The following LRMDA variants were observed in gnomAD, a reference collection of about 807,000 sequenced individuals.
The protein encoded by LRMDA is leucine-rich melanocyte differentiation-associated protein.
In LRMDA, 18 loss-of-function variants were observed where a neutral mutation model predicts 29.8. That is an observed-to-expected ratio of 0.60 (90% CI 0.42 to 0.90). LRMDA has a LOEUF of 0.90. Ranked by LOEUF, LRMDA falls within the 40% of genes least tolerant of loss-of-function variation. The pLI, the probability that LRMDA is intolerant of heterozygous loss-of-function variation, is 0.00. For synonymous variants in LRMDA, 125 were observed against 109.4 expected (o/e 1.14, Z -0.89); for missense variants, 273 against 273.9 (o/e 1.00, Z 0.02).
chr10:75,796,273 A>G (rs1050227360), intron 2 of LRMDA, among the ~76,000 whole-genome samples: 10 of 152,150 alleles, frequency 6.6e-5, no homozygotes, highest in Admixed American at 5.2e-4. Context: ...TTAGTATTAG[A>G]AGGAAAGTTT....
intron 5 of LRMDA, among the ~76,000 whole-genome samples, chr10:76,289,253 T>G (rs1416504883): frequency 2.0e-5 from 3 of 152,192 alleles, no homozygotes; most frequent in Non-Finnish European, 4.4e-5. Flanking sequence ...GACTTGGACT[T>G]TACTGAATTG....
At chr10:75,822,831 C>T (rs1909698) in intron 2 of LRMDA, among the ~76,000 whole-genome samples, 8 of 152,084 alleles carry the variant, frequency 5.3e-5, no homozygotes, top group Non-Finnish European at 1.0e-4. Flanking sequence ...AAACAGTTCT[C>T]CAGCCTCAGA....
At chr10:75,656,387 T>C (rs973184297) in intron 2 of LRMDA, among the ~76,000 whole-genome samples, 1 of 152,242 alleles carries the variant, frequency 6.6e-6, no homozygotes, top group African/African-American at 2.4e-5. Context: ...AGTACCCACT[T>C]CCTATGATTC....
At chr10:75,999,862 G>A (rs1466629280) in intron 2 of LRMDA, among the ~76,000 whole-genome samples, 1 of 152,150 alleles carries the variant, frequency 6.6e-6, no homozygotes, top group Non-Finnish European at 1.5e-5. Flanking sequence ...GTATGCGGGA[G>A]TACTTTATTT....
intron 2 of LRMDA, among the ~76,000 whole-genome samples, chr10:75,835,760 ACT>A (rs1222073540): frequency 6.6e-6 from 1 of 152,034 alleles, no homozygotes; most frequent in Non-Finnish European, 1.5e-5. Context: ...GCCCTTCAGG[ACT>A]CTCTACTGTT....
At chr10:76,334,464 T>C (rs1219948468) in intron 6 of LRMDA, among the ~76,000 whole-genome samples, 1 of 152,176 alleles carries the variant, frequency 6.6e-6, no homozygotes, top group African/African-American at 2.4e-5. Flanking sequence ...GGCCTGTCGG[T>C]GAGCTCAAGA....
At chr10:75,566,036 C>T (rs374991981) in intron 2 of LRMDA, among the ~76,000 whole-genome samples, 4 of 152,340 alleles carry the variant, frequency 2.6e-5, no homozygotes, top group Middle Eastern at 3.4e-3. Flanking sequence ...GATCATGCCA[C>T]TGCACTGCAG....
At chr10:75,482,396 ATTGTTATTTTAAACCACTGAATT>A (rs1844864504) in intron 2 of LRMDA, among the ~76,000 whole-genome samples, 1 of 152,172 alleles carries the variant, frequency 6.6e-6, no homozygotes, top group African/African-American at 2.4e-5. Context: ...AGAATAAATG[ATTGTTATTTTAAACCACTGAATT>A]TTGGTGTAGC....
At chr10:75,591,416 G>T (rs1840723111) in intron 2 of LRMDA, among the ~76,000 whole-genome samples, 1 of 152,230 alleles carries the variant, frequency 6.6e-6, no homozygotes, top group Non-Finnish European at 1.5e-5. Context: ...CCAAGTGACT[G>T]ATGTGCCCCA....
At chr10:75,704,555 C>T (rs1450298174) in intron 2 of LRMDA, among the ~76,000 whole-genome samples, 3 of 152,284 alleles carry the variant, frequency 2.0e-5, no homozygotes, top group East Asian at 1.9e-4. Context: ...CTTTGTTGGC[C>T]GTGAGGTGAC....
chr10:75,877,745 T>C (rs1366471387), intron 2 of LRMDA, among the ~76,000 whole-genome samples: 1 of 152,202 alleles, frequency 6.6e-6, no homozygotes, highest in Non-Finnish European at 1.5e-5. Context: ...CTTCCACAGA[T>C]AGTGAGACTC....
chr10:76,331,865 T>G (rs565161518), intron 6 of LRMDA, among the ~76,000 whole-genome samples: 2 of 152,364 alleles, frequency 1.3e-5, no homozygotes, highest in African/African-American at 4.8e-5. Context: ...AAAGTTTCCT[T>G]TATTTAATCG....
chr10:75,734,215 A>G (rs527787868), intron 2 of LRMDA, among the ~76,000 whole-genome samples: 18 of 152,316 alleles, frequency 1.2e-4, no homozygotes, highest in African/African-American at 4.3e-4. Flanking sequence ...TGGATATGCA[A>G]GAAAAAAATT....
intron 2 of LRMDA, among the ~76,000 whole-genome samples, chr10:75,492,047 C>G (rs999735537): frequency 1.3e-5 from 2 of 152,160 alleles, no homozygotes; most frequent in African/African-American, 4.8e-5. Context: ...AATAGCAGGA[C>G]ACAGAACTGA....
intron 5 of LRMDA, among the ~76,000 whole-genome samples, chr10:76,190,422 A>G (rs765309149): frequency 6.6e-6 from 1 of 152,208 alleles, no homozygotes; most frequent in Non-Finnish European, 1.5e-5. Context: ...CTCCAGTGGA[A>G]TGAAAACCTT....
chr10:76,213,908 A>G (rs1269234663), intron 5 of LRMDA, among the ~76,000 whole-genome samples: 1 of 152,170 alleles, frequency 6.6e-6, no homozygotes, highest in Non-Finnish European at 1.5e-5. Flanking sequence ...TCTTAAGTGG[A>G]GCAATTTTTA....
chr10:75,686,021 G>T (rs996923515), intron 2 of LRMDA, among the ~76,000 whole-genome samples: 3 of 152,170 alleles, frequency 2.0e-5, no homozygotes, highest in Non-Finnish European at 2.9e-5. Flanking sequence ...GAGAGACGAA[G>T]GAATTTGTTC....
intron 4 of LRMDA, among the ~76,000 whole-genome samples, chr10:76,050,557 T>A (rs1370245035): frequency 6.6e-6 from 1 of 152,168 alleles, no homozygotes; most frequent in Non-Finnish European, 1.5e-5. Flanking sequence ...GTCTGTGATT[T>A]TCAGTGTGTA....
intron 2 of LRMDA, among the ~76,000 whole-genome samples, chr10:75,810,277 C>T (rs1334460560): frequency 6.6e-6 from 1 of 152,150 alleles, no homozygotes; most frequent in Admixed American, 6.5e-5. Context: ...GCTAAAGACA[C>T]TGGGTTTGGA....
Sources: gnomAD v4.1 joint callset for allele counts (sites outside exome capture counted in the v4.1 genomes callset) on GRCh38, gnomAD v4.1.1 for gene constraint, MANE v1.5 for transcripts, NCBI Gene and HGNC (gene_info 2026-07-23, HGNC 2026-07-21) for gene names.